MARCHF6: variants seen among roughly 807,000 people sequenced by gnomAD.
MARCHF6 encodes the protein E3 ubiquitin-protein ligase MARCHF6.
A neutral mutation model predicts 133.7 loss-of-function variants in MARCHF6; 31 were observed. The ratio of observed to expected loss-of-function variants is 0.23; its 90% confidence interval spans 0.17 to 0.31. The LOEUF (loss-of-function observed/expected upper bound fraction) is 0.31, where lower values mean the gene tolerates loss of function less well. Among genes scored for constraint, MARCHF6 ranks in the 10% least tolerant of loss-of-function variants. The pLI, the probability that MARCHF6 is intolerant of heterozygous loss-of-function variation, is 1.00. For missense variants in MARCHF6, 723 were observed against 1,121.6 expected (o/e 0.64, Z 5.08); for synonymous variants, 395 against 402.5 (o/e 0.98, Z 0.22).
intron 17 of MARCHF6, 97 bp downstream of exon 17, chr5:10,407,299 A>G (rs1738956765): frequency 2.0e-6 from 1 of 507,754 alleles, no homozygotes; most frequent in Non-Finnish European, 3.3e-6. Flanking sequence ...TCTTATAGTT[A>G]CTGGAAATCA....
chr5:10,430,518 A>T (rs951376327), intron 25 of MARCHF6, among the ~76,000 whole-genome samples: 4 of 151,934 alleles, frequency 2.6e-5, no homozygotes, highest in Admixed American at 6.6e-5. Context: ...GTTGGCTAGG[A>T]TTGTGTCGAT....
intron 22 of MARCHF6, among the ~76,000 whole-genome samples, chr5:10,420,946 C>A (rs1015603505): frequency 3.3e-5 from 5 of 152,204 alleles, no homozygotes; most frequent in Admixed American, 3.3e-4. Flanking sequence ...CCCCCAAATC[C>A]CTAACATAAG....
At chr5:10,427,349 T>A (rs1740140433) in intron 24 of MARCHF6, among the ~76,000 whole-genome samples, 1 of 152,252 alleles carries the variant, frequency 6.6e-6, no homozygotes, top group South Asian at 2.1e-4. Flanking sequence ...TGAATCTCAT[T>A]GTACCTCTTT....
intron 19 of MARCHF6, among the ~76,000 whole-genome samples, chr5:10,412,614 C>T (rs938420582): frequency 6.6e-6 from 1 of 152,126 alleles, no homozygotes; most frequent in Admixed American, 6.6e-5. Flanking sequence ...TGCTCTGTTG[C>T]CCAGGCTTGG....
At chr5:10,389,699 G>A (rs187086101) in intron 5 of MARCHF6, among the ~76,000 whole-genome samples, 3 of 152,294 alleles carry the variant, frequency 2.0e-5, no homozygotes, top group Admixed American at 6.5e-5. Context: ...ACTGCACCTG[G>A]CCAAGTGACA....
chr5:10,401,876 A>G (rs896823046), intron 11 of MARCHF6, 183 bp from the exon 12 acceptor site: 11 of 590,098 alleles, frequency 1.9e-5, no homozygotes, highest in African/African-American at 7.5e-5. Context: ...TTAGTAATAT[A>G]TAACAGTCAG....
intron 20 of MARCHF6, 73 bp downstream of exon 20, chr5:10,414,575 C>A: frequency 8.1e-7 from 1 of 1,233,740 alleles, no homozygotes; most frequent in Non-Finnish European, 1.2e-6. Context: ...CAGAGTCTTG[C>A]TCTGTTCCCC....
chr5:10,369,941 G>A (rs545690702), intron 1 of MARCHF6, among the ~76,000 whole-genome samples: 5 of 151,982 alleles, frequency 3.3e-5, no homozygotes, highest in African/African-American at 7.2e-5. Flanking sequence ...GGATGAAACC[G>A]TTATACATAC....
chr5:10,382,209 T>C (rs114298655), intron 4 of MARCHF6, among the ~76,000 whole-genome samples: 1 of 152,070 alleles, frequency 6.6e-6, no homozygotes, highest in African/African-American at 2.4e-5. Context: ...AAAAATCAAA[T>C]CAAATCATAA....
intron 1 of MARCHF6, among the ~76,000 whole-genome samples, chr5:10,364,788 C>A (rs1736034306): frequency 6.6e-6 from 1 of 152,122 alleles, no homozygotes; most frequent in African/African-American, 2.4e-5. Context: ...AATGGTTTCG[C>A]TGTTTCTCTG....
chr5:10,427,376 A>G (rs1740141988), intron 24 of MARCHF6, among the ~76,000 whole-genome samples: 1 of 152,062 alleles, frequency 6.6e-6, no homozygotes. Context: ...CATTTTTTTC[A>G]TTGGTTCCTC....
intron 17 of MARCHF6, among the ~76,000 whole-genome samples, chr5:10,409,106 C>T (rs1739080930): frequency 6.6e-6 from 1 of 152,132 alleles, no homozygotes; most frequent in Admixed American, 6.5e-5. Flanking sequence ...TAGGTGTGAG[C>T]CACTGCGCCC....
chr5:10,372,851 A>T (rs1339818565), intron 1 of MARCHF6, among the ~76,000 whole-genome samples: 1 of 152,084 alleles, frequency 6.6e-6, no homozygotes, highest in East Asian at 1.9e-4. Flanking sequence ...CTATTATCTC[A>T]TGTAGCCTCT....
At chr5:10,426,351 C>G (rs1186936812) in intron 23 of MARCHF6, 39 bp from the exon 24 acceptor site, 1 of 1,604,094 alleles carries the variant, frequency 6.2e-7, no homozygotes, top group Admixed American at 1.7e-5. Flanking sequence ...AGGAATTTGT[C>G]TTGTATCTTT....
intron 3 of MARCHF6, 42 bp from the exon 4 acceptor site, chr5:10,381,758 C>T (rs745485130): frequency 1.3e-5 from 19 of 1,474,006 alleles, no homozygotes; most frequent in South Asian, 2.6e-5. Context: ...AAGCTATTTT[C>T]GAATCTTCAT....
chr5:10,398,071 T>C (rs1738293533), intron 10 of MARCHF6, among the ~76,000 whole-genome samples: 1 of 152,168 alleles, frequency 6.6e-6, no homozygotes, highest in Admixed American at 6.6e-5. Context: ...GGAATGGGGT[T>C]ATTGTTAGGT....
At chr5:10,411,593 C>T (rs1274184254) in intron 19 of MARCHF6, 56 bp downstream of exon 19, 1 of 1,439,460 alleles carries the variant, frequency 6.9e-7, no homozygotes, top group African/African-American at 1.4e-5. Context: ...TTTTTGTTCT[C>T]CAAATTGCTG....
chr5:10,428,846 T>C (rs1464949921), intron 24 of MARCHF6, among the ~76,000 whole-genome samples: 2 of 152,160 alleles, frequency 1.3e-5, no homozygotes, highest in African/African-American at 4.8e-5. Flanking sequence ...TTTTAAAAAT[T>C]TTATTGTGAG....
In MARCHF6 at chr5:10,405,604, C is replaced by A. The variant is rs781039340; in HGVS notation, c.1379C>A (p.Pro460Gln). 1 of 1,609,922 alleles carries A rather than the reference C, an allele frequency of 6.2e-7. No individual in the cohort carries two copies. The highest frequency in any genetic ancestry group is 1.7e-5 in the Admixed American group (1 of 59,410). Residue 460 changes from proline to glutamine, a missense_variant, in exon 16 of 26, where the codon CCA becomes CAA. By Grantham distance (76) the Pro-to-Gln change is moderately conservative (BLOSUM62 -1). This residue lies in a region of MARCHF6 where 492 missense variants were observed against 699.5 expected (regional missense o/e 0.70). Coordinates refer to ENST00000274140, the MANE Select transcript of MARCHF6 (RefSeq NM_005885.4). ...VLWFLRNLND[P>Q]DFNPVQEMIH... ...TGGTTTCTAAGGAATTTGAATGATC[C>A]AGATTTCAATCCAGTACAGGAAATG...
Sources: gnomAD v4.1 joint callset for allele counts (sites outside exome capture counted in the v4.1 genomes callset) on GRCh38, gnomAD v4.1.1 for gene constraint, gnomAD v4.1.1 regional missense constraint, MANE v1.5 for transcripts, NCBI Gene and HGNC (gene_info 2026-07-23, HGNC 2026-07-21) for gene names.